METAP1: variants seen among roughly 807,000 people sequenced by gnomAD.
METAP1 encodes the protein methionyl aminopeptidase 1.
In METAP1, 28 loss-of-function variants were observed where a neutral mutation model predicts 53.8. That is an observed-to-expected ratio of 0.52 (90% CI 0.39 to 0.71). The LOEUF (loss-of-function observed/expected upper bound fraction) is 0.71, where lower values mean the gene tolerates loss of function less well. Among genes scored for constraint, METAP1 ranks in the 30% least tolerant of loss-of-function variants. The pLI is 0.00. For synonymous variants in METAP1, 181 were observed against 165.7 expected (o/e 1.09, Z -0.71); for missense variants, 389 against 479.8 (o/e 0.81, Z 1.77).
intron 10 of METAP1, among the ~76,000 whole-genome samples, chr4:99,059,312 A>T (rs1240499842): frequency 3.0e-4 from 45 of 152,352 alleles, no homozygotes; most frequent in African/African-American, 9.9e-4. Context: ...GATCACAATA[A>T]AATTACAGTA....
At chr4:99,027,744 G>C (rs1211224208) in intron 1 of METAP1, among the ~76,000 whole-genome samples, 1 of 152,108 alleles carries the variant, frequency 6.6e-6, no homozygotes, top group African/African-American at 2.4e-5. Flanking sequence ...TATACATTTG[G>C]AATTTGTTTA....
intron 1 of METAP1, among the ~76,000 whole-genome samples, chr4:99,011,204 AG>A (rs1723449261): frequency 6.6e-6 from 1 of 152,186 alleles, no homozygotes. Flanking sequence ...GTTGAATAGA[AG>A]TGATGAGAGC....
rs554020110 is a variant in METAP1 at position 99,049,211 on chromosome 4, G to A, written c.931+335G>A. ...ATGTTGGGGGTTGAAGCTTGAAGGG[G>A]TATACCTGGGAGTTTTTAACAGACA... On this transcript the variant is annotated intron_variant, in intron 9 of 10. Transcript: ENST00000296411. Among the ~76,000 whole-genome samples, 7 of 152,200 alleles carry A rather than the reference G, an allele frequency of 4.6e-5. No individual in the cohort carries two copies. The South Asian group carries it at 6.2e-4, about 14-fold the overall frequency.
intron 10 of METAP1, among the ~76,000 whole-genome samples, chr4:99,060,655 G>A (rs998170360): frequency 2.0e-5 from 3 of 152,034 alleles, no homozygotes; most frequent in African/African-American, 7.2e-5. Context: ...GTGCCACCGC[G>A]CCTGGCCAAG....
intron 3 of METAP1, among the ~76,000 whole-genome samples, chr4:99,034,613 G>T (rs1579296414): frequency 6.6e-6 from 1 of 152,106 alleles, no homozygotes; most frequent in Admixed American, 6.6e-5. Flanking sequence ...CTGGCATGAT[G>T]GTAGTGTGTA....
chr4:99,011,406 T>G (rs80250946), intron 1 of METAP1, among the ~76,000 whole-genome samples: 1 of 152,232 alleles, frequency 6.6e-6, no homozygotes, highest in African/African-American at 2.4e-5. Flanking sequence ...TCTGAATCAA[T>G]TGAGATGATT....
chr4:99,060,360 C>CTTTTTTT (rs35135230), intron 10 of METAP1, among the ~76,000 whole-genome samples: 4 of 103,646 alleles, frequency 3.9e-5, no homozygotes, highest in East Asian at 3.0e-4. Flanking sequence ...TAAGCACATG[C>CTTTTTTT]TTTTTTTTTT....
chr4:99,020,337 T>C (rs1724022324), intron 1 of METAP1, among the ~76,000 whole-genome samples: 1 of 152,196 alleles, frequency 6.6e-6, no homozygotes, highest in Admixed American at 6.5e-5. Context: ...ACCCCTACCC[T>C]GTGGCACCTC....
At chr4:99,045,098 T>C in intron 7 of METAP1, 81 bp from the exon 8 acceptor site, 2 of 1,390,808 alleles carry the variant, frequency 1.4e-6, no homozygotes, top group Non-Finnish European at 2.0e-6. Context: ...ATTAAGTTGC[T>C]AGATGCTGTC....
intron 1 of METAP1, among the ~76,000 whole-genome samples, chr4:98,996,134 G>A (rs1018985876): frequency 3.3e-5 from 5 of 152,122 alleles, no homozygotes; most frequent in African/African-American, 1.2e-4. Flanking sequence ...GGGCTGTGCG[G>A]GGTCGCGTGG....
intron 1 of METAP1, among the ~76,000 whole-genome samples, chr4:99,022,095 A>G (rs574568207): frequency 6.6e-6 from 1 of 152,368 alleles, no homozygotes; most frequent in East Asian, 1.9e-4. Flanking sequence ...CAGTAGTCAT[A>G]ATCATGCTAG....
intron 3 of METAP1, among the ~76,000 whole-genome samples, 171 bp downstream of exon 3, chr4:99,034,513 C>T (rs1271028556): frequency 4.6e-5 from 7 of 152,030 alleles, no homozygotes; most frequent in Non-Finnish European, 8.8e-5. Flanking sequence ...GGTAGTTTGG[C>T]AATCATGGAA....
Position 99,043,269 on chromosome 4 carries a change from C to A in METAP1, c.537C>A (p.Cys179Ter). 6.3e-7 allele frequency: 1 copy of A among 1,594,164 alleles called. No homozygotes were observed. The highest frequency in any genetic ancestry group is 8.6e-7 in the Non-Finnish European group (1 of 1,166,470). The change falls in exon 7 of 11, where the codon TGC becomes TGA. Residue 179 changes from cysteine (C) to a stop codon, truncating the protein, a stop_gained. Coordinates refer to ENST00000296411, the MANE Select transcript of METAP1 (RefSeq NM_015143.3). LOFTEE classifies it high-confidence loss of function. Reference sequence around the variant, plus strand: ...TATAGGCATGTATTGCAAGAAATTGCTACCCTTCTCCCCTGAATTATTATA... The same window carrying A: ...TATAGGCATGTATTGCAAGAAATTGATACCCTTCTCCCCTGAATTATTATA... ...AVHLACIARNCYPSPLNYYNF... is the reference protein window; with the variant it reads ...AVHLACIARN
At chr4:99,008,831 T>C (rs1271992593) in intron 1 of METAP1, among the ~76,000 whole-genome samples, 2 of 152,242 alleles carry the variant, frequency 1.3e-5, no homozygotes, top group Non-Finnish European at 2.9e-5. Flanking sequence ...TGCTCTGCAT[T>C]ATATACACCT....
At chr4:99,005,576 T>C (rs1723136052) in intron 1 of METAP1, among the ~76,000 whole-genome samples, 3 of 152,224 alleles carry the variant, frequency 2.0e-5, no homozygotes, top group African/African-American at 4.8e-5. Flanking sequence ...ACTGGGTATC[T>C]ATCCAAAGGA....
At chr4:99,031,562 G>T in intron 2 of METAP1, 1 of 1,288,652 alleles carries the variant, frequency 7.8e-7, no homozygotes. Context: ...TGTGACCATG[G>T]GTTATTCTAA....
At chr4:99,051,344 CATAAG>C (rs2110408623) in intron 9 of METAP1, among the ~76,000 whole-genome samples, 1 of 152,142 alleles carries the variant, frequency 6.6e-6, no homozygotes, top group Admixed American at 6.5e-5. Flanking sequence ...TTTGATTAGA[CATAAG>C]AAACAATTAT....
chr4:99,000,655 C>G (rs1002981292), intron 1 of METAP1, among the ~76,000 whole-genome samples: 1 of 112,686 alleles, frequency 8.9e-6, no homozygotes, highest in Admixed American at 9.2e-5. Context: ...GGAAGAAAGT[C>G]TTTTTTTTTT....
intron 10 of METAP1, among the ~76,000 whole-genome samples, chr4:99,059,731 C>CA (rs1331308942): frequency 6.6e-6 from 1 of 152,024 alleles, no homozygotes; most frequent in Non-Finnish European, 1.5e-5. Flanking sequence ...ATGACCCCTT[C>CA]ACCCCCTTTC....
Sources: allele counts gnomAD v4.1 joint callset (sites outside exome capture counted in the v4.1 genomes callset), GRCh38; gene constraint gnomAD v4.1.1; transcripts MANE v1.5; gene names NCBI Gene and HGNC (gene_info 2026-07-23, HGNC 2026-07-21).